The following ITGB1 variants were observed in gnomAD, a reference collection of about 807,000 sequenced individuals.
ITGB1 encodes the protein integrin subunit beta 1, also known as integrin beta-1.
Under a neutral mutation model 86.5 loss-of-function variants are expected in ITGB1, and 24 were observed. That is an observed-to-expected ratio of 0.28 (90% CI 0.20 to 0.39). The LOEUF is 0.39. ITGB1 is among the 10% of genes least tolerant of loss of function. ITGB1 has a pLI of 1.00. For synonymous variants in ITGB1, 323 were observed against 316.8 expected, an observed-to-expected ratio of 1.02 and a Z score of -0.21; for missense variants, 556 against 946.9, an observed-to-expected ratio of 0.59 and a Z score of 5.42.
At chr10:32,948,799 T>C (rs1279625896) in intron 1 of ITGB1, among the ~76,000 whole-genome samples, 1 of 152,064 alleles carries the variant, frequency 6.6e-6, no homozygotes, top group Admixed American at 6.5e-5. Flanking sequence ...CTGACATAAA[T>C]TACCCAGTCT....
At chr10:32,913,456 G>T (rs534147333) in intron 11 of ITGB1, among the ~76,000 whole-genome samples, 1 of 152,270 alleles carries the variant, frequency 6.6e-6, no homozygotes, top group Admixed American at 6.5e-5. Context: ...AGAATAAAGA[G>T]CGTAGAGAAG....
rs180711348 is a variant in ITGB1, at chr10:32,930,147, C to T, written c.154-103G>A. The T allele has an allele frequency of 3.6e-4, 235 of 651,448 alleles. 1 individual carries two copies. The African/African-American group carries it at 3.9e-3, about 11-fold the overall frequency. 40.4% of individuals were successfully genotyped at this position (651,448 alleles called of 1,614,324 possible). ...AATTAAATTGCAAAACATCAAATCA[C>T]ATCTAATGTACCCCAATTCTGGCTT... On this transcript the variant is annotated intron_variant, in intron 3 of 15. Coordinates refer to ENST00000302278, the MANE Select transcript of ITGB1 (RefSeq NM_002211.4).
intron 1 of ITGB1, among the ~76,000 whole-genome samples, chr10:32,957,506 G>A (rs965581670): frequency 6.6e-6 from 1 of 152,124 alleles, no homozygotes; most frequent in Non-Finnish European, 1.5e-5. Context: ...TGCCGCCACC[G>A]CACCCCCGGT....
chr10:32,940,417 T>C (rs978185637), intron 1 of ITGB1, among the ~76,000 whole-genome samples: 1 of 152,122 alleles, frequency 6.6e-6, no homozygotes, highest in Non-Finnish European at 1.5e-5. Flanking sequence ...TATTATCAAG[T>C]ATTATGCACT....
rs554134480 is a variant in ITGB1 at position 32,957,838 on chromosome 10, G to A, written c.-1+307C>T. The A allele has an allele frequency of 3.9e-5, 6 of 152,296 alleles. No homozygotes were observed. In the South Asian group the frequency reaches 1.2e-3, roughly 32 times the overall value. 9.4% of individuals were successfully genotyped at this position (152,296 alleles called of 1,614,324 possible). ...GGTCCCCCGCAGCTCCGGCAGCCCC[G>A]ACGTGACAGCGCCCAGGCCGGCGAC... On this transcript the variant is annotated intron_variant, in intron 1 of 15. Coordinates refer to ENST00000302278, the MANE Select transcript of ITGB1 (RefSeq NM_002211.4).
intron 1 of ITGB1, among the ~76,000 whole-genome samples, chr10:32,938,967 G>A (rs958562451): frequency 3.3e-5 from 5 of 152,112 alleles, no homozygotes; most frequent in Non-Finnish European, 5.9e-5. Context: ...AATGCTGCTG[G>A]CCTTCCCTTC....
intron 1 of ITGB1, chr10:32,955,492 C>A (rs774343669): frequency 4.6e-5 from 7 of 152,094 alleles, no homozygotes; most frequent in Non-Finnish European, 7.4e-5. Context: ...AAGGGCAAAC[C>A]AGAGCAGCTA....
intron 13 of ITGB1, 119 bp downstream of exon 13, chr10:32,911,329 G>T: frequency 3.7e-6 from 3 of 805,530 alleles, no homozygotes; most frequent in Non-Finnish European, 6.0e-6. Flanking sequence ...CTTCCACATG[G>T]CAGGCATTTT....
chr10:32,901,547 T>G lies in ITGB1; in HGVS notation c.*23A>C. The G allele has an allele frequency of 6.9e-7, 1 of 1,447,670 alleles. No individual in the cohort carries two copies. The highest frequency in any genetic ancestry group is 1.2e-5 in the South Asian group (1 of 83,816). The allele number at this position is 1,447,670 out of a possible 1,614,324, so 89.7% of individuals were successfully genotyped here. A position where few individuals can be genotyped will look rare whatever the true frequency, so the allele number is the denominator to read the frequency against. On this transcript the variant is annotated 3_prime_UTR_variant, in exon 16 of 16. Coordinates refer to ENST00000302278, the MANE Select transcript of ITGB1 (RefSeq NM_002211.4). ...GAAATTGCTACTTTGCATTCAGTGTTGTGGGATTTGCACGGGCAGTACTCA... is the reference window on the plus strand; with the variant it reads ...GAAATTGCTACTTTGCATTCAGTGTGGTGGGATTTGCACGGGCAGTACTCA...
chr10:32,942,686 T>C (rs1388521107), intron 1 of ITGB1, among the ~76,000 whole-genome samples: 2 of 148,490 alleles, frequency 1.3e-5, no homozygotes, highest in Admixed American at 1.3e-4. Context: ...TCTCTCTCTT[T>C]TTTTTTTTTT....
intron 15 of ITGB1, among the ~76,000 whole-genome samples, chr10:32,902,833 G>A (rs1344208746): frequency 6.6e-6 from 1 of 152,130 alleles, no homozygotes; most frequent in Non-Finnish European, 1.5e-5. Context: ...TGGTGGGTGA[G>A]AGACATGAAA....
chr10:32,944,353 G>C (rs1327243094), intron 1 of ITGB1: 1 of 221,272 alleles, frequency 4.5e-6, no homozygotes, highest in African/African-American at 2.3e-5. Flanking sequence ...CACAGGCTGG[G>C]CCAAAGCCCT....
rs1186872641 is a variant in ITGB1 at position 32,947,432 on chromosome 10, C to CGTGTGTGTGTGTGTGTGTGTGTGT, written c.-1+10689_-1+10712dup. Among the ~76,000 whole-genome samples the CGTGTGTGTGTGTGTGTGTGTGTGT allele has an allele frequency of 5.8e-3, 797 of 137,334 alleles. 10 individuals carry two copies. Among genetic ancestry groups the CGTGTGTGTGTGTGTGTGTGTGTGT allele is most frequent in the East Asian group, 0.013 (56 of 4,442 alleles). The allele number at this position is 137,334 out of a possible 152,430, so 90.1% of individuals were successfully genotyped here. On this transcript the variant is annotated intron_variant, in intron 1 of 15. Transcript: ENST00000302278. ...TAAAGCCAGGTGATTCACATATAGC[C>CGTGTGTGTGTGTGTGTGTGTGTGT]GTGTGTGTGTGTGTGTGTGTGTGTG...
intron 13 of ITGB1, 101 bp from the exon 14 acceptor site, chr10:32,910,556 C>G: frequency 1.4e-6 from 1 of 699,842 alleles, no homozygotes; most frequent in Middle Eastern, 3.9e-4. Flanking sequence ...CCAAATTGAA[C>G]AAACAGCTAT....
intron 4 of ITGB1, 133 bp from the exon 5 acceptor site, chr10:32,928,397 C>T (rs2094972326): frequency 3.6e-6 from 2 of 551,914 alleles, no homozygotes; most frequent in African/African-American, 1.9e-5. Flanking sequence ...TTACAAAAAC[C>T]TGGGAATTCC....
At chr10:32,944,634 A>T in intron 1 of ITGB1, 1 of 607,784 alleles carries the variant, frequency 1.6e-6, no homozygotes, top group Non-Finnish European at 3.2e-6. Context: ...AATCTCACTT[A>T]GTATAGCTAG....
intron 9 of ITGB1, among the ~76,000 whole-genome samples, 171 bp from the exon 10 acceptor site, chr10:32,920,556 A>G (rs1347420495): frequency 6.6e-6 from 1 of 152,238 alleles, no homozygotes. Flanking sequence ...GTTTTAATTA[A>G]TAAGGATCAA....
At position 32,920,086 on chromosome 10, in the gene ITGB1, T is replaced by C; in HGVS notation, c.1270-2A>G. On this transcript the variant is annotated splice_acceptor_variant, in intron 10 of 15. Transcript: ENST00000302278. LOFTEE classifies it high-confidence loss of function. ...AGTTATGCTAATTTCAAATTGAACC[T>C]TGAAGGGAAAAAAAAGATTAACAAC... is the stretch of plus-strand genomic sequence containing the variant. The C allele has an allele frequency of 6.2e-7, 1 of 1,610,876 alleles. No homozygotes were observed. The highest frequency in any genetic ancestry group is 8.5e-7 in the Non-Finnish European group (1 of 1,177,980).
At chr10:32,924,536 T>C (rs377356614) in intron 6 of ITGB1, among the ~76,000 whole-genome samples, 60 of 152,230 alleles carry the variant, frequency 3.9e-4, no homozygotes, top group African/African-American at 1.4e-3. Context: ...GAATGTCTGA[T>C]TCTTTTGCAT....
Sources: allele counts gnomAD v4.1 joint callset (sites outside exome capture counted in the v4.1 genomes callset), GRCh38; gene constraint gnomAD v4.1.1; transcripts MANE v1.5; gene names NCBI Gene and HGNC (gene_info 2026-07-23, HGNC 2026-07-21).